FOCAD: variants seen among roughly 807,000 people sequenced by gnomAD.
FOCAD encodes focadhesin, also known as KIAA1797.
FOCAD carries 198 observed loss-of-function variants against 225.6 expected under a neutral mutation model. The ratio of observed to expected loss-of-function variants is 0.88; its 90% CI spans 0.78 to 0.99. The LOEUF (loss-of-function observed/expected upper bound fraction) is 0.99. Among genes scored for constraint, FOCAD ranks in the 50% least tolerant of loss-of-function variants. FOCAD has a pLI of 0.00. For missense variants in FOCAD, 2,713 were observed against 2,123.6 expected, an observed-to-expected ratio of 1.28 and a Z score of -5.46; for synonymous variants, 897 against 755.0, an observed-to-expected ratio of 1.19 and a Z score of -3.08.
chr9:20,860,376 G>A (rs775038160), intron 15 of FOCAD, among the ~76,000 whole-genome samples: 4 of 152,148 alleles, frequency 2.6e-5, no homozygotes, highest in Non-Finnish European at 4.4e-5. Flanking sequence ...TGGACTTACA[G>A]TTCCATGTGG....
At chr9:20,835,889 A>C (rs1486330374) in intron 15 of FOCAD, among the ~76,000 whole-genome samples, 2 of 152,044 alleles carry the variant, frequency 1.3e-5, no homozygotes, top group Non-Finnish European at 2.9e-5. Flanking sequence ...TGTATGATTG[A>C]GCAATAGATA....
intron 11 of FOCAD, among the ~76,000 whole-genome samples, chr9:20,798,675 T>C (rs1395141891): frequency 5.9e-5 from 9 of 152,206 alleles, no homozygotes. Flanking sequence ...TTTGTATCTC[T>C]GTGGGGTCGG....
intron 15 of FOCAD, among the ~76,000 whole-genome samples, chr9:20,832,090 C>A (rs1368268047): frequency 6.6e-6 from 1 of 151,876 alleles, no homozygotes. Flanking sequence ...AGTTGATGAA[C>A]ATTTGGCTTT....
At position 20,770,051 on chromosome 9, in the gene FOCAD, C is replaced by A. The variant is rs141572748; in HGVS notation, c.719C>A (p.Thr240Lys). The change falls in exon 8 of 44, where the codon ACA becomes AAA. Residue 240 changes from threonine to lysine, a missense_variant. By Grantham distance (78) the Thr-to-Lys change is moderately conservative. Transcript: ENST00000338382. ...PCLQVKDLIQ[T>K]TEAMMFIEEV... ...AAACAGGTAAAAGATTTGATACAGA[C>A]AACAGAGGCGATGATGTTTATTGAG... 1 of 1,613,838 alleles carries A rather than the reference C, an allele frequency of 6.2e-7. No homozygotes were observed. Among genetic ancestry groups the A allele is most frequent in the African/African-American group, 1.3e-5 (1 of 74,904 alleles).
chr9:20,833,253 T>A (rs1825688505), intron 15 of FOCAD, among the ~76,000 whole-genome samples: 1 of 152,002 alleles, frequency 6.6e-6, no homozygotes, highest in Non-Finnish European at 1.5e-5. Context: ...TGATTAGTGA[T>A]GTTGAGCAAT....
rs1821641891 is a variant in FOCAD, at chr9:20,659,430, G to GAAAGAAAGAAAGAAAGAAAGAAAGAAAGA, written c.-78+617_-78+618insAAGAAAGAAAGAAAGAAAAGAAAGAAAGA. On this transcript the variant is annotated intron_variant, in intron 2 of 45. Transcript: ENST00000380249. ...AAAAAAAAGAGAAAGAAAGGAGAAA[G>GAAAGAAAGAAAGAAAGAAAGAAAGAAAGA]AAAGAAAGAAAGACAGACAGACAGA... 9.3e-5 allele frequency among the ~76,000 whole-genome samples: 14 copies of GAAAGAAAGAAAGAAAGAAAGAAAGAAAGA among 150,590 alleles called. No individual in the cohort carries two copies. The South Asian group carries it at 3.0e-3, about 32-fold the overall frequency.
chr9:20,758,988 G>C (rs1829320275), intron 6 of FOCAD, among the ~76,000 whole-genome samples: 1 of 151,996 alleles, frequency 6.6e-6, no homozygotes, highest in Admixed American at 6.6e-5. Flanking sequence ...CAAACAGAGA[G>C]CCAAATCATG....
chr9:20,881,924 C>T lies in FOCAD; in HGVS notation c.2371C>T (p.Arg791Cys), dbSNP rs748492866. The change falls in exon 20 of 44, where the codon CGT becomes TGT. Residue 791 changes from arginine to cysteine, a missense_variant. Coordinates refer to ENST00000338382, the MANE Select transcript of FOCAD (RefSeq NM_001375567.1). ...GAAGCAAGAAATGGTGAATATGCCTCGTGGGATATATCACTCTGCATTAAA... is the reference window on the plus strand; with the variant it reads ...GAAGCAAGAAATGGTGAATATGCCTTGTGGGATATATCACTCTGCATTAAA... ...LVKQEMVNMP[R>C]GIYHSALKGG... 6 of 1,613,618 alleles carry T rather than the reference C, an allele frequency of 3.7e-6. No individual in the cohort carries two copies. Among genetic ancestry groups the T allele is most frequent in the Non-Finnish European group, 4.2e-6 (5 of 1,179,834 alleles).
intron 39 of FOCAD, 140 bp from the exon 40 acceptor site, chr9:20,986,148 C>G (rs1200081969): frequency 4.2e-6 from 3 of 715,264 alleles, no homozygotes; most frequent in Non-Finnish European, 6.3e-6. Flanking sequence ...AGCACACAGG[C>G]AGATGGGTCA....
At chr9:20,969,284 C>T (rs777623865) in intron 35 of FOCAD, among the ~76,000 whole-genome samples, 2 of 151,940 alleles carry the variant, frequency 1.3e-5, no homozygotes, top group Non-Finnish European at 2.9e-5. Flanking sequence ...AGCTAGGTCT[C>T]TCTGGTTTAC....
At chr9:20,896,021 T>C (rs1832053224) in intron 21 of FOCAD, among the ~76,000 whole-genome samples, 1 of 151,910 alleles carries the variant, frequency 6.6e-6, no homozygotes, top group Non-Finnish European at 1.5e-5. Context: ...GATATTCTTA[T>C]CAAGTTGAGG....
chr9:20,817,256 G>A (rs561913149), intron 11 of FOCAD, among the ~76,000 whole-genome samples: 5 of 152,126 alleles, frequency 3.3e-5, no homozygotes, highest in African/African-American at 1.2e-4. Context: ...ACAATTCAAT[G>A]GCTTTTATTA....
At chr9:20,978,723 A>T (rs942763342) in intron 37 of FOCAD, among the ~76,000 whole-genome samples, 3 of 152,270 alleles carry the variant, frequency 2.0e-5, no homozygotes, top group African/African-American at 7.2e-5. Context: ...TCTCAAGATC[A>T]TATAGCTAGA....
intron 4 of FOCAD, among the ~76,000 whole-genome samples, chr9:20,732,985 A>C (rs1480147947): frequency 1.3e-5 from 2 of 152,168 alleles, no homozygotes; most frequent in African/African-American, 4.8e-5. Flanking sequence ...TGAAGTGGAA[A>C]TGTCTAGTAG....
intron 24 of FOCAD, among the ~76,000 whole-genome samples, chr9:20,922,891 T>A (rs1483114461): frequency 6.6e-6 from 1 of 152,214 alleles, no homozygotes; most frequent in Non-Finnish European, 1.5e-5. Flanking sequence ...TGGAATAATA[T>A]TAAATGTACA....
intron 27 of FOCAD, among the ~76,000 whole-genome samples, chr9:20,930,299 T>G (rs1038831523): frequency 1.3e-5 from 2 of 152,222 alleles, no homozygotes; most frequent in Admixed American, 6.5e-5. Context: ...TTGTTCATAC[T>G]GCTTATTATT....
intron 7 of FOCAD, among the ~76,000 whole-genome samples, chr9:20,769,744 C>T (rs1270185431): frequency 6.6e-6 from 1 of 152,128 alleles, no homozygotes; most frequent in African/African-American, 2.4e-5. Flanking sequence ...TGTCATGTAA[C>T]TTGTTTTAAG....
chr9:20,830,835 T>C (rs1268780302), intron 15 of FOCAD, among the ~76,000 whole-genome samples: 3 of 151,852 alleles, frequency 2.0e-5, no homozygotes, highest in Non-Finnish European at 4.4e-5. Context: ...TGCCACTATA[T>C]TTGGCTAACT....
At chr9:20,897,208 T>G (rs1396928890) in intron 21 of FOCAD, among the ~76,000 whole-genome samples, 1 of 151,794 alleles carries the variant, frequency 6.6e-6, no homozygotes, top group Non-Finnish European at 1.5e-5. Flanking sequence ...TTAATATAGG[T>G]CTTCCTGCTT....
Sources: allele counts gnomAD v4.1 joint callset (sites outside exome capture counted in the v4.1 genomes callset), GRCh38; gene constraint gnomAD v4.1.1; transcripts MANE v1.5; gene names NCBI Gene and HGNC (gene_info 2026-07-23, HGNC 2026-07-21).